TFDP2: variants seen among roughly 807,000 people sequenced by gnomAD.
TFDP2 encodes transcription factor Dp-2.
A neutral mutation model predicts 59.3 loss-of-function variants in TFDP2; 17 were observed. The observed-to-expected ratio is 0.29, with a 90% CI of 0.20 to 0.43. TFDP2 has a LOEUF of 0.43. Ranked by LOEUF, TFDP2 falls within the 20% of genes least tolerant of loss-of-function variation. The pLI, the probability that TFDP2 is intolerant of heterozygous loss-of-function variation, is 1.00. For missense variants in TFDP2, 391 were observed against 528.8 expected (o/e 0.74, Z 2.56); for synonymous variants, 180 against 194.7 (o/e 0.92, Z 0.63).
intron 1 of TFDP2, among the ~76,000 whole-genome samples, chr3:142,111,475 G>A (rs2061661021): frequency 1.3e-5 from 2 of 149,340 alleles, no homozygotes; most frequent in African/African-American, 4.9e-5. Flanking sequence ...TAAAATAGAG[G>A]ACTTGAACTC....
chr3:141,976,945 AAACTTGG>A (rs1940730632), intron 7 of TFDP2, among the ~76,000 whole-genome samples: 1 of 151,780 alleles, frequency 6.6e-6, no homozygotes, highest in South Asian at 2.1e-4. Flanking sequence ...GCAACAAACA[AAACTTGG>A]AACTATAAGA....
intron 3 of TFDP2, among the ~76,000 whole-genome samples, chr3:142,069,816 C>T (rs1560109523): frequency 6.6e-6 from 1 of 151,698 alleles, no homozygotes; most frequent in Non-Finnish European, 1.5e-5. Flanking sequence ...ACCATGTTGG[C>T]CAGGCTTGTC....
At chr3:142,044,557 G>A in intron 3 of TFDP2, among the ~76,000 whole-genome samples, 1 of 151,934 alleles carries the variant, frequency 6.6e-6, no homozygotes, top group East Asian at 1.9e-4. Flanking sequence ...TTTTAGTAGA[G>A]ACAGAGTTTC....
chr3:142,040,386 T>C (rs574212669), intron 3 of TFDP2, among the ~76,000 whole-genome samples: 2 of 152,310 alleles, frequency 1.3e-5, no homozygotes, highest in East Asian at 3.9e-4. Context: ...GGCCAGGAGT[T>C]TGAGACCACC....
In TFDP2 at chr3:141,993,387, G is replaced by A. The variant is rs564569481; in HGVS notation, c.356+151C>T. On this transcript the variant is annotated intron_variant, in intron 6 of 12. Transcript: ENST00000489671. ...CATACAGATACTATGAGTGAACTGGGGCACTCAATGCAGAATGAAATAATG... is the reference window on the plus strand; with the variant it reads ...CATACAGATACTATGAGTGAACTGGAGCACTCAATGCAGAATGAAATAATG... The A allele has an allele frequency of 4.6e-5, 23 of 499,720 alleles. No individual in the cohort carries two copies. The South Asian group carries it at 7.1e-4, about 15-fold the overall frequency. The allele number at this position is 499,720 out of a possible 1,614,324, so 31.0% of individuals were successfully genotyped here.
At chr3:141,970,169 T>G (rs1463019756) in intron 8 of TFDP2, 28 bp from the exon 9 acceptor site, 1 of 1,599,044 alleles carries the variant, frequency 6.3e-7, no homozygotes, top group Non-Finnish European at 8.6e-7. Flanking sequence ...CAAAATAATA[T>G]GAACATAGGT....
intron 1 of TFDP2, among the ~76,000 whole-genome samples, chr3:142,107,649 T>C (rs1174446969): frequency 2.6e-5 from 4 of 152,158 alleles, no homozygotes; most frequent in Non-Finnish European, 4.4e-5. Context: ...CTCAACTTTA[T>C]CAGATAAATA....
chr3:142,021,353 C>T (rs957041143), intron 3 of TFDP2, among the ~76,000 whole-genome samples: 15 of 152,120 alleles, frequency 9.9e-5, no homozygotes, highest in African/African-American at 3.4e-4. Context: ...ATCACATACA[C>T]GGAAGGAAAA....
In TFDP2 at chr3:141,973,212, CAGG is replaced by C. The variant is rs1170302023; in HGVS notation, c.663+833_663+835del. Among the ~76,000 whole-genome samples the C allele has an allele frequency of 3.3e-5, 5 of 150,822 alleles. No homozygotes were observed. The Admixed American group carries it at 3.3e-4, about 10-fold the overall frequency. On this transcript the variant is annotated intron_variant, in intron 8 of 12. Coordinates refer to ENST00000489671, the MANE Select transcript of TFDP2 (RefSeq NM_001178139.2). ...TCGGTTCACTGTAACCTCTGCCTCC[CAGG>C]TTCAAGCGATTCTCCTGCCTCAGCT...
chr3:142,063,859 A>G (rs1216655637), intron 3 of TFDP2, among the ~76,000 whole-genome samples: 1 of 152,316 alleles, frequency 6.6e-6, no homozygotes, highest in East Asian at 1.9e-4. Context: ...TCTGAATTGA[A>G]TGAAAACCTT....
intron 3 of TFDP2, among the ~76,000 whole-genome samples, 187 bp from the exon 4 acceptor site, chr3:142,005,731 A>T (rs542608155): frequency 1.4e-4 from 22 of 152,194 alleles, no homozygotes; most frequent in South Asian, 6.2e-4. Context: ...AAGGAATACA[A>T]TTAATTTTGC....
chr3:142,023,662 TG>T (rs1945848223), intron 3 of TFDP2, among the ~76,000 whole-genome samples: 1 of 152,220 alleles, frequency 6.6e-6, no homozygotes. Flanking sequence ...AGTAAGTTAT[TG>T]ATATTATAAT....
chr3:142,046,135 C>T (rs1393741796), intron 3 of TFDP2, among the ~76,000 whole-genome samples: 4 of 152,208 alleles, frequency 2.6e-5, no homozygotes, highest in African/African-American at 7.2e-5. Context: ...TTTACTATGG[C>T]GCTGATAAAC....
chr3:142,133,919 G>A (rs1173266272), intron 1 of TFDP2, among the ~76,000 whole-genome samples: 3 of 151,762 alleles, frequency 2.0e-5, no homozygotes, highest in East Asian at 3.9e-4. Context: ...GGCAGGGCAC[G>A]GTGGCTCACA....
chr3:142,044,517 A>G (rs992130739), intron 3 of TFDP2, among the ~76,000 whole-genome samples: 1 of 151,940 alleles, frequency 6.6e-6, no homozygotes, highest in Non-Finnish European at 1.5e-5. Flanking sequence ...TACAGGTGTG[A>G]GCTGCCACAC....
At chr3:142,125,162 T>A (rs2108708436) in intron 1 of TFDP2, among the ~76,000 whole-genome samples, 1 of 152,290 alleles carries the variant, frequency 6.6e-6, no homozygotes, top group Non-Finnish European at 1.5e-5. Flanking sequence ...GCTATTATCA[T>A]GTAACTGCAT....
At chr3:142,113,048 GA>G (rs1017889131) in intron 1 of TFDP2, among the ~76,000 whole-genome samples, 2 of 152,092 alleles carry the variant, frequency 1.3e-5, no homozygotes, top group Non-Finnish European at 2.9e-5. Context: ...GAACCTAATA[GA>G]AACATTCTTT....
Position 142,122,479 on chromosome 3 carries a change from A to T in TFDP2, c.-92-20638T>A, listed in dbSNP as rs2062083290. Among the ~76,000 whole-genome samples the T allele has an allele frequency of 1.3e-5, 2 of 152,336 alleles. 1 individual carries two copies. Among genetic ancestry groups the T allele is most frequent in the South Asian group, 4.1e-4 (2 of 4,826 alleles). On this transcript the variant is annotated intron_variant, in intron 1 of 12. Transcript: ENST00000489671. ...CAAAACAGATTCTGAGAGGGAGACT[A>T]TCATGCAGAAAGTTTCCTGGGAAGT...
At chr3:141,963,653 G>A (rs935608353) in intron 10 of TFDP2, among the ~76,000 whole-genome samples, 159 bp downstream of exon 10, 19 of 152,122 alleles carry the variant, frequency 1.2e-4, no homozygotes, top group Non-Finnish European at 2.9e-5. Flanking sequence ...GCACACTAGT[G>A]GAAGATTGCA....
Sources: allele counts gnomAD v4.1 joint callset (sites outside exome capture counted in the v4.1 genomes callset), GRCh38; gene constraint gnomAD v4.1.1; transcripts MANE v1.5; gene names NCBI Gene and HGNC (gene_info 2026-07-23, HGNC 2026-07-21).